NELL1: variants seen among roughly 807,000 people sequenced by gnomAD.
NELL1 encodes the protein protein kinase C-binding protein NELL1.
A neutral mutation model predicts 107.4 loss-of-function variants in NELL1; 76 were observed. The ratio of observed to expected loss-of-function variants is 0.71; its 90% confidence interval spans 0.59 to 0.86. NELL1 has a LOEUF of 0.86. Among genes scored for constraint, NELL1 ranks in the 40% least tolerant of loss-of-function variants. The pLI is 0.00. For missense variants in NELL1, 1,024 were observed against 1,005.5 expected, an observed-to-expected ratio of 1.02 and a Z score of -0.25; for synonymous variants, 353 against 341.2, an observed-to-expected ratio of 1.03 and a Z score of -0.38.
chr11:21,252,399 A>T (rs1273380526), intron 14 of NELL1, among the ~76,000 whole-genome samples: 1 of 152,148 alleles, frequency 6.6e-6, no homozygotes, highest in Admixed American at 6.6e-5. Flanking sequence ...GAGCTAGATC[A>T]GGGATCCAGA....
intron 11 of NELL1, among the ~76,000 whole-genome samples, chr11:20,951,775 A>G (rs1360444793): frequency 6.6e-6 from 1 of 152,114 alleles, no homozygotes; most frequent in African/African-American, 2.4e-5. Context: ...GTCACACAAC[A>G]GCACCACCCA....
chr11:21,117,008 T>G lies in NELL1; in HGVS notation c.1426+3294T>G, dbSNP rs190106938. On this transcript the variant is annotated intron_variant, in intron 13 of 19. Coordinates refer to ENST00000357134, the MANE Select transcript of NELL1 (RefSeq NM_006157.5). ...CTTCTTTCCCTTCTGTCTTTTACCG[T>G]TTCTTTCCTTGTCCATTATGACATG... 5.4e-3 allele frequency among the ~76,000 whole-genome samples: 819 copies of G among 152,134 alleles called. 24 individuals carry two copies. Among genetic ancestry groups the G allele is most frequent in the South Asian group, 2.3e-3 (11 of 4,830 alleles).
At chr11:21,271,636 T>G (rs990325524) in intron 14 of NELL1, among the ~76,000 whole-genome samples, 5 of 152,166 alleles carry the variant, frequency 3.3e-5, no homozygotes, top group Non-Finnish European at 7.4e-5. Context: ...AGGCCAACAT[T>G]ACTCTAATAC....
At chr11:21,219,518 G>A (rs569770764) in intron 13 of NELL1, among the ~76,000 whole-genome samples, 4 of 152,154 alleles carry the variant, frequency 2.6e-5, no homozygotes, top group Admixed American at 2.0e-4. Flanking sequence ...TTTGTTGCCT[G>A]TACTTTTGAA....
chr11:21,127,602 AGAAGAGGAAGAG>A (rs937525717), intron 13 of NELL1, among the ~76,000 whole-genome samples: 1 of 129,904 alleles, frequency 7.7e-6, no homozygotes, highest in South Asian at 3.2e-4. Flanking sequence ...AGGAAGAGGA[AGAAGAGGAAGAG>A]GAAGAAGAAG....
In NELL1 at chr11:21,432,953, G is replaced by C. The variant is rs573405252; in HGVS notation, c.1645+62005G>C. On this transcript the variant is annotated intron_variant, in intron 15 of 19. Coordinates refer to ENST00000357134, the MANE Select transcript of NELL1 (RefSeq NM_006157.5). ...CCTACAGTGGTACAACACACTAGAA[G>C]TTATTTCTCCCATCTAGCTGTAACT... Among the ~76,000 whole-genome samples, 80 of 152,186 alleles carry C rather than the reference G, an allele frequency of 5.3e-4. 2 individuals carry two copies. The South Asian group carries it at 0.015, about 29-fold the overall frequency.
intron 2 of NELL1, among the ~76,000 whole-genome samples, chr11:20,751,583 G>T (rs111949565): frequency 0.05 from 7,617 of 151,752 alleles, 626 homozygotes; most frequent in African/African-American, 0.17. Flanking sequence ...CTCAAGTGAT[G>T]CTCCCACTCC....
intron 2 of NELL1, among the ~76,000 whole-genome samples, chr11:20,759,670 G>T (rs992284287): frequency 6.6e-6 from 1 of 152,166 alleles, no homozygotes; most frequent in East Asian, 1.9e-4. Context: ...TGCTGGAGGA[G>T]GTTTGTCATT....
At chr11:21,480,952 T>C (rs1854478507) in intron 15 of NELL1, among the ~76,000 whole-genome samples, 1 of 152,210 alleles carries the variant, frequency 6.6e-6, no homozygotes, top group South Asian at 2.1e-4. Context: ...TGACTATATG[T>C]ATATAGTCTT....
chr11:21,060,542 T>C (rs1853714457), intron 12 of NELL1, among the ~76,000 whole-genome samples: 1 of 152,198 alleles, frequency 6.6e-6, no homozygotes, highest in South Asian at 2.1e-4. Context: ...TAAAATGTTA[T>C]ATTATTGATA....
intron 12 of NELL1, among the ~76,000 whole-genome samples, chr11:20,988,240 A>G (rs1407265442): frequency 1.3e-5 from 2 of 152,198 alleles, no homozygotes; most frequent in Non-Finnish European, 2.9e-5. Context: ...TCTTCTGGGT[A>G]GAAGTTCATC....
At chr11:21,483,679 T>C (rs963312018) in intron 15 of NELL1, among the ~76,000 whole-genome samples, 5 of 151,704 alleles carry the variant, frequency 3.3e-5, no homozygotes, top group African/African-American at 1.2e-4. Context: ...TATAAACAAA[T>C]ATTTTTATAT....
At chr11:21,167,798 A>ATTGT (rs1229089576) in intron 13 of NELL1, among the ~76,000 whole-genome samples, 4 of 151,628 alleles carry the variant, frequency 2.6e-5, no homozygotes, top group Non-Finnish European at 5.9e-5. Flanking sequence ...CTCTTTCCCC[A>ATTGT]TTGTTTCACA....
chr11:21,472,803 C>G (rs1046407486), intron 15 of NELL1, among the ~76,000 whole-genome samples: 1 of 151,782 alleles, frequency 6.6e-6, no homozygotes, highest in Non-Finnish European at 1.5e-5. Context: ...TCACTCGTCC[C>G]CTTCCCTCCC....
intron 5 of NELL1, among the ~76,000 whole-genome samples, chr11:20,907,277 G>A (rs1850022507): frequency 6.8e-6 from 1 of 147,554 alleles, no homozygotes; most frequent in African/African-American, 2.5e-5. Flanking sequence ...GATTATTAAG[G>A]ATGTGAAAAC....
chr11:21,503,020 T>C (rs1482160275), intron 15 of NELL1, among the ~76,000 whole-genome samples: 1 of 152,100 alleles, frequency 6.6e-6, no homozygotes, highest in African/African-American at 2.4e-5. Context: ...GTAGCTGGGA[T>C]ACAGGCATGT....
chr11:21,154,971 T>G (rs1856199707), intron 13 of NELL1, among the ~76,000 whole-genome samples: 1 of 151,952 alleles, frequency 6.6e-6, no homozygotes, highest in Non-Finnish European at 1.5e-5. Flanking sequence ...TGGTCTAGGG[T>G]TTTTTGTGGG....
At chr11:20,864,945 C>A (rs1204887169) in intron 4 of NELL1, among the ~76,000 whole-genome samples, 2 of 152,204 alleles carry the variant, frequency 1.3e-5, no homozygotes, top group African/African-American at 2.4e-5. Flanking sequence ...GCAGGACAGC[C>A]CTTCCTGACC....
At chr11:20,751,490 T>A (rs567030923) in intron 2 of NELL1, among the ~76,000 whole-genome samples, 1 of 152,266 alleles carries the variant, frequency 6.6e-6, no homozygotes, top group African/African-American at 2.4e-5. Flanking sequence ...ATTCTTTTTC[T>A]TTTGGAGTTG....
Sources: gnomAD v4.1 joint callset for allele counts (sites outside exome capture counted in the v4.1 genomes callset) on GRCh38, gnomAD v4.1.1 for gene constraint, MANE v1.5 for transcripts, NCBI Gene and HGNC (gene_info 2026-07-23, HGNC 2026-07-21) for gene names.